LIAS: variants seen among roughly 807,000 people sequenced by gnomAD.
LIAS encodes the protein lipoyl synthase, mitochondrial.
A neutral mutation model predicts 49.4 loss-of-function variants in LIAS; 36 were observed. That is an observed-to-expected ratio of 0.73 (90% CI 0.56 to 0.96). LIAS has a LOEUF of 0.96. Ranked by LOEUF, LIAS falls within the 40% of genes least tolerant of loss-of-function variation. The pLI is 0.00. For missense variants in LIAS, 399 were observed against 456.3 expected (o/e 0.87, Z 1.14); for synonymous variants, 145 against 155.8 (o/e 0.93, Z 0.52).
intron 1 of LIAS, 115 bp downstream of exon 1, chr4:39,459,277 C>G: frequency 1.1e-6 from 1 of 910,040 alleles, no homozygotes; most frequent in Non-Finnish European, 1.7e-6. Flanking sequence ...TACTAGCCAA[C>G]GGCAGTTTTA....
chr4:39,460,419 A>T (rs1744412392), intron 1 of LIAS, among the ~76,000 whole-genome samples: 1 of 151,816 alleles, frequency 6.6e-6, no homozygotes, highest in African/African-American at 2.4e-5. Context: ...CTGTAGTCCC[A>T]GCTACTCAGG....
chr4:39,471,402 C>T (rs564067098), intron 9 of LIAS, 96 bp downstream of exon 9: 152 of 875,256 alleles, frequency 1.7e-4, no homozygotes, highest in Admixed American at 1.4e-3. Flanking sequence ...GGCACAATCT[C>T]GGCTCACTGT....
intron 2 of LIAS, 58 bp downstream of exon 2, chr4:39,461,020 A>C (rs1043554517): frequency 7.2e-7 from 1 of 1,387,492 alleles, no homozygotes; most frequent in Non-Finnish European, 9.8e-7. Context: ...CATTATTTTC[A>C]GATATAACCA....
intron 1 of LIAS, 41 bp from the exon 2 acceptor site, chr4:39,460,749 G>T: frequency 6.8e-7 from 1 of 1,479,730 alleles, no homozygotes; most frequent in Non-Finnish European, 9.0e-7. Context: ...AAATTATTAC[G>T]GACTCCACTA....
Position 39,467,334 on chromosome 4 carries a change from C to T in LIAS, c.609-184C>T, listed in dbSNP as rs6825961. On this transcript the variant is annotated intron_variant, in intron 6 of 10. Coordinates refer to ENST00000640888, the MANE Select transcript of LIAS (RefSeq NM_006859.4). ...TAACCACTGTGTACATAGTATTTAA[C>T]GGTCTGCTTTTTTTTTTTTAATAAT... 0.2 allele frequency: 82,162 copies of T among 412,146 alleles called. 10,268 individuals carry two copies. The highest frequency in any genetic ancestry group is 0.38 in the African/African-American group (18,253 of 48,460). The allele number at this position is 412,146 out of a possible 1,614,324, so 25.5% of individuals were successfully genotyped here.
intron 7 of LIAS, chr4:39,468,206 G>A (rs1744831966): frequency 6.6e-6 from 1 of 152,040 alleles, no homozygotes; most frequent in Non-Finnish European, 1.5e-5. Context: ...TTGGCTGGAT[G>A]CTGTGGCTCA....
Position 39,459,067 on chromosome 4 carries a change from CG to C in LIAS, c.-48del. On this transcript the variant is annotated 5_prime_UTR_variant, in exon 1 of 11. Coordinates refer to ENST00000640888, the MANE Select transcript of LIAS (RefSeq NM_006859.4). Reference sequence around the variant, plus strand: ...GACGTAATTTCGACCTGTCCTTTCCCGGGAGTTAGCGATCCCTCAACCCCTG... The same window carrying C: ...GACGTAATTTCGACCTGTCCTTTCCCGGAGTTAGCGATCCCTCAACCCCTG... 1.2e-6 allele frequency: 2 copies of C among 1,603,498 alleles called. No individual in the cohort carries two copies. The highest frequency in any genetic ancestry group is 1.7e-6 in the Non-Finnish European group (2 of 1,170,298).
At chr4:39,464,897 C>T (rs1045367153) in intron 4 of LIAS, 149 bp from the exon 5 acceptor site, 21 of 581,032 alleles carry the variant, frequency 3.6e-5, no homozygotes, top group South Asian at 1.7e-4. Flanking sequence ...ATTTATGTTC[C>T]TTGACTATCA....
intron 4 of LIAS, among the ~76,000 whole-genome samples, chr4:39,464,408 T>G (rs1431781020): frequency 6.6e-6 from 1 of 151,792 alleles, no homozygotes; most frequent in Admixed American, 6.6e-5. Context: ...CCCTCATACC[T>G]CCAGTTTGAG....
intron 8 of LIAS, 149 bp downstream of exon 8, chr4:39,470,313 C>A: frequency 2.0e-6 from 1 of 497,718 alleles, no homozygotes; most frequent in Non-Finnish European, 3.4e-6. Flanking sequence ...CATGCACCCT[C>A]AAATCTAAAA....
chr4:39,470,003 T>C lies in LIAS; in HGVS notation c.738-16T>C, dbSNP rs746945059. 5.0e-6 allele frequency: 8 copies of C among 1,602,136 alleles called. No homozygotes were observed. Among genetic ancestry groups the C allele is most frequent in the Non-Finnish European group, 5.1e-6 (6 of 1,171,724 alleles). ...AACTTGTAATTCTTGCTGACAACAG[T>C]CCTGCTGTTTTCCAGTAAGGTTCGT... On this transcript the variant is annotated splice_polypyrimidine_tract_variant and intron_variant, in intron 7 of 10. Transcript: ENST00000640888.
At chr4:39,466,662 A>G (rs1287483567) in intron 6 of LIAS, 7 of 152,180 alleles carry the variant, frequency 4.6e-5, no homozygotes, top group Non-Finnish European at 7.3e-5. Context: ...CAGGAGTTTA[A>G]AGTTACAGTG....
chr4:39,465,777 G>A (rs1047841708), intron 6 of LIAS, among the ~76,000 whole-genome samples: 7 of 151,498 alleles, frequency 4.6e-5, no homozygotes, highest in Admixed American at 4.0e-4. Flanking sequence ...TCCTGCCTCA[G>A]CCTCCCGAGT....
intron 7 of LIAS, chr4:39,469,770 C>T (rs756432120): frequency 2.0e-5 from 7 of 344,738 alleles, no homozygotes; most frequent in Admixed American, 4.4e-5. Flanking sequence ...TCTGGTTTCT[C>T]AATGCATAAA....
rs905229240 is a variant in LIAS at position 39,478,680 on chromosome 4, C to G, written c.*1565C>G. The stretch of plus-strand genomic sequence containing the variant: ...TTTGTATAGTAGCTTGCTAAATCCA[C>G]ATGCCCTATTCCTTTCATTTCTCAC... On this transcript the variant is annotated 3_prime_UTR_variant, in exon 11 of 11. Coordinates refer to ENST00000640888, the MANE Select transcript of LIAS (RefSeq NM_006859.4). 2.6e-5 allele frequency: 4 copies of G among 152,186 alleles called. No homozygotes were observed. Among genetic ancestry groups the G allele is most frequent in the African/African-American group, 9.7e-5 (4 of 41,446 alleles). 9.4% of individuals were successfully genotyped at this position (152,186 alleles called of 1,614,324 possible). A position where few individuals can be genotyped will look rare whatever the true frequency, so the allele number is the denominator to read the frequency against.
chr4:39,459,217 A>C, intron 1 of LIAS, 55 bp downstream of exon 1: 3 of 1,527,382 alleles, frequency 2.0e-6, no homozygotes, highest in Non-Finnish European at 2.7e-6. Flanking sequence ...CTATCCCTTC[A>C]GAGCGCCCAT....
rs925260688 is a variant in LIAS at position 39,477,623 on chromosome 4, A to T, written c.*508A>T. On this transcript the variant is annotated 3_prime_UTR_variant, in exon 11 of 11. Coordinates refer to ENST00000640888, the MANE Select transcript of LIAS (RefSeq NM_006859.4). ...TAGTGTATCTTCTTTGTCCCAATTA[A>T]ACAGTTGCTTGCTGTGATGTAATCT... 3 of 152,484 alleles carry T rather than the reference A, an allele frequency of 2.0e-5. No individual in the cohort carries two copies. The highest frequency in any genetic ancestry group is 7.2e-5 in the African/African-American group (3 of 41,458). The allele number at this position is 152,484 out of a possible 1,614,324, so 9.4% of individuals were successfully genotyped here. A position where few individuals can be genotyped will look rare whatever the true frequency, so the allele number is the denominator to read the frequency against.
chr4:39,467,904 A>G (rs1240522563), intron 7 of LIAS: 1 of 174,800 alleles, frequency 5.7e-6, no homozygotes, highest in Admixed American at 6.1e-5. Flanking sequence ...TTTATATTAT[A>G]AACACTATAT....
intron 1 of LIAS, among the ~76,000 whole-genome samples, chr4:39,459,544 T>C (rs1214129623): frequency 1.3e-5 from 2 of 152,176 alleles, no homozygotes; most frequent in African/African-American, 4.8e-5. Flanking sequence ...GCGGCAGACA[T>C]TGAGAAGTGC....
Sources: allele counts gnomAD v4.1 joint callset (sites outside exome capture counted in the v4.1 genomes callset), GRCh38; gene constraint gnomAD v4.1.1; transcripts MANE v1.5; gene names NCBI Gene and HGNC (gene_info 2026-07-23, HGNC 2026-07-21).